The following KATNIP variants were observed in gnomAD, a reference collection of about 807,000 sequenced individuals.
The protein encoded by KATNIP is katanin-interacting protein.
Under a neutral mutation model 174.0 loss-of-function variants are expected in KATNIP, and 126 were observed. The observed-to-expected ratio is 0.72, with a 90% CI of 0.63 to 0.84. The LOEUF is 0.84. Among genes scored for constraint, KATNIP ranks in the 40% least tolerant of loss-of-function variants. The pLI, the probability that KATNIP is intolerant of heterozygous loss-of-function variation, is 0.00. For synonymous variants in KATNIP, 810 were observed against 835.7 expected (o/e 0.97, Z 0.53); for missense variants, 1,958 against 2,109.7 (o/e 0.93, Z 1.41).
chr16:27,701,001 C>G (rs2079077626), intron 10 of KATNIP, among the ~76,000 whole-genome samples: 1 of 151,992 alleles, frequency 6.6e-6, no homozygotes, highest in Non-Finnish European at 1.5e-5. Flanking sequence ...GACAGCAGGG[C>G]ACATTTTTAG....
rs533445628 is a variant in KATNIP, at chr16:27,776,676, G to A, written c.4450-252G>A. 1.3e-5 allele frequency among the ~76,000 whole-genome samples: 2 copies of A among 152,326 alleles called. No homozygotes were observed. Among genetic ancestry groups the A allele is most frequent in the Non-Finnish European group, 2.9e-5 (2 of 68,040 alleles). On this transcript the variant is annotated intron_variant, in intron 24 of 27. Coordinates refer to ENST00000261588, the MANE Select transcript of KATNIP (RefSeq NM_015202.5). This position sits in a 1 kb window ranked among gnomAD's most constrained non-coding sequence, Gnocchi z 4.7. ...CAATCCTCCACTGGCATTTAAATGAGGGCTCCGACAGGCCCAAGAACACAG... is the reference window on the plus strand; with the variant it reads ...CAATCCTCCACTGGCATTTAAATGAAGGCTCCGACAGGCCCAAGAACACAG...
intron 1 of KATNIP, among the ~76,000 whole-genome samples, chr16:27,563,891 T>TAAAAAAAAAA (rs58505514): frequency 1.5e-5 from 1 of 66,682 alleles, no homozygotes; most frequent in African/African-American, 6.4e-5. Context: ...TCTAGTAAAT[T>TAAAAAAAAAA]AAAAAAAAAA....
At position 27,595,620 on chromosome 16, in the gene KATNIP, C is replaced by T. The variant is rs183031233; in HGVS notation, c.63+21664C>T. On this transcript the variant is annotated intron_variant, in intron 2 of 27. Transcript: ENST00000261588. ...TATCAAGCACCTGCCATGTGACAAA[C>T]ATTGTCCCAGGCCCTGGAGAGTCAG... Among the ~76,000 whole-genome samples the T allele has an allele frequency of 1.2e-3, 180 of 152,326 alleles. 1 individual carries two copies. The highest frequency in any genetic ancestry group is 6.8e-3 in the Middle Eastern group (2 of 294).
chr16:27,742,114 C>G (rs550508518), intron 15 of KATNIP, among the ~76,000 whole-genome samples: 1 of 151,638 alleles, frequency 6.6e-6, no homozygotes. Context: ...ATTAGATGGT[C>G]TTCAAGGGCA....
At chr16:27,572,166 A>G (rs2090328801) in intron 1 of KATNIP, among the ~76,000 whole-genome samples, 1 of 152,096 alleles carries the variant, frequency 6.6e-6, no homozygotes. Flanking sequence ...CTGTAATCCC[A>G]GCACTTTGGG....
At chr16:27,725,703 TCC>T (rs1350119025) in intron 14 of KATNIP, among the ~76,000 whole-genome samples, 2 of 152,238 alleles carry the variant, frequency 1.3e-5, no homozygotes, top group African/African-American at 4.8e-5. Context: ...TTCCAGCAGC[TCC>T]CCATGGTCCA....
chr16:27,774,823 C>T (rs570955173), intron 23 of KATNIP, 122 bp from the exon 24 acceptor site: 34 of 1,132,566 alleles, frequency 3.0e-5, no homozygotes, highest in Non-Finnish European at 4.1e-5. Context: ...GTCACTGCTG[C>T]GGCTGCCCAA....
chr16:27,766,542 CGTGG>C, intron 20 of KATNIP, 68 bp downstream of exon 20: 4 of 1,499,550 alleles, frequency 2.7e-6, no homozygotes, highest in Non-Finnish European at 3.6e-6. Context: ...GAATGGCTGG[CGTGG>C]CAGCCAGAGA....
chr16:27,630,146 CAAG>C (rs1257372772), intron 4 of KATNIP, among the ~76,000 whole-genome samples: 3 of 152,178 alleles, frequency 2.0e-5, no homozygotes, highest in South Asian at 2.1e-4. Flanking sequence ...AAGCAAGTTA[CAAG>C]AAGATCTGGA....
intron 7 of KATNIP, among the ~76,000 whole-genome samples, chr16:27,678,776 A>C (rs2078219068): frequency 6.6e-6 from 1 of 152,184 alleles, no homozygotes; most frequent in Admixed American, 6.5e-5. Flanking sequence ...TCTCATCTCC[A>C]AAAGAAACTC....
chr16:27,642,579 CT>C (rs1357817437), intron 5 of KATNIP, among the ~76,000 whole-genome samples: 1 of 152,112 alleles, frequency 6.6e-6, no homozygotes, highest in Non-Finnish European at 1.5e-5. Context: ...CCGGGTAGTG[CT>C]TTCCCTCCAC....
At chr16:27,607,905 A>G (rs1221000517) in intron 2 of KATNIP, among the ~76,000 whole-genome samples, 1 of 152,116 alleles carries the variant, frequency 6.6e-6, no homozygotes, top group African/African-American at 2.4e-5. Context: ...CCGGCCACAA[A>G]CAGTGGCTTC....
chr16:27,577,457 T>C (rs1444335503), intron 2 of KATNIP, among the ~76,000 whole-genome samples: 4 of 152,104 alleles, frequency 2.6e-5, no homozygotes, highest in African/African-American at 9.7e-5. Context: ...TTTGGGAGGC[T>C]GTGGTGGGCA....
intron 3 of KATNIP, among the ~76,000 whole-genome samples, chr16:27,619,959 A>T (rs1177075316): frequency 6.6e-6 from 1 of 152,236 alleles, no homozygotes; most frequent in African/African-American, 2.4e-5. Flanking sequence ...AATCTCTGGC[A>T]GACTGGATGG....
Position 27,740,896 on chromosome 16 carries a change from G to A in KATNIP, c.2599G>A (p.Gly867Arg), listed in dbSNP as rs1468357042. 1.2e-6 allele frequency: 2 copies of A among 1,601,248 alleles called. No homozygotes were observed. Among genetic ancestry groups the A allele is most frequent in the East Asian group, 4.5e-5 (2 of 44,586 alleles). The change falls in exon 15 of 28, where the codon GGG (glycine) becomes AGG (arginine). Residue 867 changes from glycine (G) to arginine (R), a missense_variant. Transcript: ENST00000261588. ...SRKDAGSSSH[G>R]DDQPASREDT... is the part of the protein sequence containing the mutation. ...GAAGGATGCTGGCAGCAGTAGTCAT[G>A]GGGACGACCAGCCAGCCAGCAGAGG...
In KATNIP at chr16:27,572,006, A is replaced by ATG. The variant is rs943897513; in HGVS notation, c.8-1883_8-1882dup. 3.3e-5 allele frequency among the ~76,000 whole-genome samples: 5 copies of ATG among 150,222 alleles called. No homozygotes were observed. In the East Asian group the frequency reaches 7.9e-4, roughly 24 times the overall value. On this transcript the variant is annotated intron_variant, in intron 1 of 27. Transcript: ENST00000261588. ...CCTGGGGGTGTGTGTGTGTGTGTGTATGTGTGTGTGTGTTTAACTAATAAA... is the reference window on the plus strand; with the variant it reads ...CCTGGGGGTGTGTGTGTGTGTGTGTATGTGTGTGTGTGTGTTTAACTAATAAA...
Position 27,612,993 on chromosome 16 carries a change from G to A in KATNIP, c.64-5432G>A, listed in dbSNP as rs543966367. 2.9e-4 allele frequency among the ~76,000 whole-genome samples: 44 copies of A among 151,890 alleles called. 1 individual carries two copies. Among genetic ancestry groups the A allele is most frequent in the African/African-American group, 9.2e-4 (38 of 41,414 alleles). On this transcript the variant is annotated intron_variant, in intron 2 of 27. Coordinates refer to ENST00000261588, the MANE Select transcript of KATNIP (RefSeq NM_015202.5). ...ATCTGGGGCATGGTGGCACACTGGC[G>A]CACGCCTATAATCTAAGAACTTTGG...
At chr16:27,778,035 G>A (rs1597440963) in intron 27 of KATNIP, 66 bp downstream of exon 27, 1 of 1,459,670 alleles carries the variant, frequency 6.9e-7, no homozygotes, top group Non-Finnish European at 9.5e-7. Flanking sequence ...AGAAGGAGCT[G>A]GTGGCCTTGC....
At chr16:27,573,038 C>T (rs1017268210) in intron 1 of KATNIP, among the ~76,000 whole-genome samples, 2 of 152,218 alleles carry the variant, frequency 1.3e-5, no homozygotes, top group Non-Finnish European at 2.9e-5. Context: ...TGTCTTTTCT[C>T]TGAGACTCAG....
Sources: allele counts gnomAD v4.1 joint callset (sites outside exome capture counted in the v4.1 genomes callset), GRCh38; gene constraint gnomAD v4.1.1; non-coding constraint Gnocchi (gnomAD v3.1); transcripts MANE v1.5; gene names NCBI Gene and HGNC (gene_info 2026-07-23, HGNC 2026-07-21).